KHNYN: variants seen among roughly 807,000 people sequenced by gnomAD.
The protein encoded by KHNYN is KH and NYN domain containing, also known as protein KHNYN.
A neutral mutation model predicts 62.7 loss-of-function variants in KHNYN; 42 were observed. That is an observed-to-expected ratio of 0.67 (90% CI 0.52 to 0.87). The LOEUF is 0.87. KHNYN is among the 40% of genes least tolerant of loss of function. The pLI, the probability that KHNYN is intolerant of heterozygous loss-of-function variation, is 0.00. For synonymous variants in KHNYN, 347 were observed against 345.6 expected, an observed-to-expected ratio of 1.00 and a Z score of -0.04; for missense variants, 829 against 874.1, an observed-to-expected ratio of 0.95 and a Z score of 0.65.
At chr14:24,427,541 T>C (rs960087048), upstream of KHNYN, 4 of 490,536 alleles carry the variant, frequency 8.2e-6, no homozygotes, top group Non-Finnish European at 1.4e-5. The surrounding 1 kb of genome is among the most constrained non-coding windows in gnomAD (Gnocchi z 4.4). Flanking sequence ...ATCCTAGGGC[T>C]GCAGGCAGGA....
upstream of KHNYN, among the ~76,000 whole-genome samples, chr14:24,425,692 C>T (rs748910468): frequency 2.0e-5 from 3 of 152,146 alleles, no homozygotes; most frequent in Non-Finnish European, 2.9e-5. Flanking sequence ...AATCATTTTG[C>T]CTAATTAATA....
chr14:24,428,823 G>T (rs775718996), upstream of KHNYN: 28 of 1,612,556 alleles, frequency 1.7e-5, no homozygotes, highest in Non-Finnish European at 2.4e-5. Flanking sequence ...TGGTGGCTTC[G>T]GACCGCAGCA....
chr14:24,427,638 T>C, upstream of KHNYN: 2 of 758,952 alleles, frequency 2.6e-6, no homozygotes, highest in Non-Finnish European at 4.5e-6. This position sits in a 1 kb window ranked among gnomAD's most constrained non-coding sequence, Gnocchi z 4.4. Context: ...TACTCTTCTC[T>C]TAAACTTGGG....
In KHNYN at chr14:24,432,379, G is replaced by C. The variant is rs199723459; in HGVS notation, c.1118G>C (p.Arg373Pro). Residue 373 changes from arginine (R) to proline (P), a missense_variant, in exon 3 of 8, where the codon CGG becomes CCG. By Grantham distance (103) the Arg-to-Pro change is moderately radical. Around this residue, in one of 2 missense-constraint regions of KHNYN, gnomAD observed 559 missense variants for 527.0 expected, o/e 1.06. Transcript: ENST00000553935. This position sits in a 1 kb window ranked among gnomAD's most constrained non-coding sequence, Gnocchi z 5.6. ...GAACCCCCATGGCACTGTGGAGACC[G>C]GGGTGACTGCGGAGACCGGGGAGAC... ...APEPPWHCGD[R>P]GDCGDRGDVG... The C allele has an allele frequency of 3.9e-5, 63 of 1,613,712 alleles. No individual in the cohort carries two copies. The highest frequency in any genetic ancestry group is 5.0e-5 in the Admixed American group (3 of 59,992).
chr14:24,440,166 C>A lies in KHNYN; in HGVS notation c.*2881C>A. On this transcript the variant is annotated 3_prime_UTR_variant, in exon 8 of 8. Transcript: ENST00000553935. ...GTGGCCAGTGTTCGCTGTGGGATCA[C>A]CTTCTGGCCCTCCAGCAGCATGATG... 6.2e-7 allele frequency: 1 copy of A among 1,613,864 alleles called. No individual in the cohort carries two copies. Among genetic ancestry groups the A allele is most frequent in the Non-Finnish European group, 8.5e-7 (1 of 1,179,798 alleles).
At chr14:24,435,656 T>C (rs1466596043) in intron 5 of KHNYN, 2 of 196,304 alleles carry the variant, frequency 1.0e-5, no homozygotes, top group East Asian at 1.4e-4. Flanking sequence ...TAGATCTTAC[T>C]GTTTACTAAC....
At chr14:24,427,884 G>A, upstream of KHNYN, 1 of 1,614,084 alleles carries the variant, frequency 6.2e-7, no homozygotes, top group Non-Finnish European at 8.5e-7. The surrounding 1 kb of genome is among the most constrained non-coding windows in gnomAD (Gnocchi z 4.4). Flanking sequence ...CGGTCCCCAG[G>A]GTCCAAGGGC....
chr14:24,440,334 C>G lies in KHNYN; in HGVS notation c.*3049C>G. ...GCCACTCCATTCAGGACCCCGTGCA[C>G]GTGGTTTGCTTCAAGGGCATGGGTC... On this transcript the variant is annotated 3_prime_UTR_variant, in exon 8 of 8. Coordinates refer to ENST00000553935, the MANE Select transcript of KHNYN (RefSeq NM_015299.3). The G allele has an allele frequency of 2.5e-6, 4 of 1,614,010 alleles. No individual in the cohort carries two copies. The highest frequency in any genetic ancestry group is 3.4e-6 in the Non-Finnish European group (4 of 1,179,894).
At chr14:24,435,621 G>C (rs2043193172) in intron 5 of KHNYN, 1 of 165,834 alleles carries the variant, frequency 6.0e-6, no homozygotes, top group Non-Finnish European at 1.3e-5. Context: ...GCAAGGGATT[G>C]GTTGGGCAGG....
At chr14:24,428,318 C>T, upstream of KHNYN, 2 of 1,613,950 alleles carry the variant, frequency 1.2e-6, no homozygotes, top group Non-Finnish European at 1.7e-6. Context: ...ACCTTCACCA[C>T]ATGGAACCGG....
At position 24,437,366 on chromosome 14, in the gene KHNYN, G is replaced by A. The variant is rs531827595; in HGVS notation, c.*81G>A. The A allele has an allele frequency of 2.7e-6, 4 of 1,509,338 alleles. No homozygotes were observed. The highest frequency in any genetic ancestry group is 4.5e-5 in the East Asian group (2 of 44,142). 93.5% of individuals were successfully genotyped at this position (1,509,338 alleles called of 1,614,324 possible). A position where few individuals can be genotyped will look rare whatever the true frequency, so the allele number is the denominator to read the frequency against. The stretch of plus-strand genomic sequence containing the variant: ...CCCTTTCTGTGAGAGTCCCTCTGCT[G>A]CTCACTCTGATCCAGAGGCACCCTG... On this transcript the variant is annotated 3_prime_UTR_variant, in exon 8 of 8. Coordinates refer to ENST00000553935, the MANE Select transcript of KHNYN (RefSeq NM_015299.3). The surrounding 1 kb of genome is among the most constrained non-coding windows in gnomAD (Gnocchi z 5.5).
In KHNYN at chr14:24,433,015, C is replaced by A; in HGVS notation, c.1560C>A (p.Ile520=). 3.1e-6 allele frequency: 5 copies of A among 1,614,062 alleles called. No homozygotes were observed. Among genetic ancestry groups the A allele is most frequent in the Non-Finnish European group, 4.2e-6 (5 of 1,179,888 alleles). The change falls in exon 5 of 8, where the codon ATC becomes ATA. Residue 520 remains isoleucine (I), a synonymous_variant. Coordinates refer to ENST00000553935, the MANE Select transcript of KHNYN (RefSeq NM_015299.3). ...TPSRVMDGKR[I]SSYDDRFMVK... is the part of the protein sequence containing the mutation. Reference sequence around the variant, plus strand: ...CACGAGTCATGGATGGCAAGAGGATCTCCTCCTATGATGACAGGTACTTGC... The same window carrying A: ...CACGAGTCATGGATGGCAAGAGGATATCCTCCTATGATGACAGGTACTTGC...
chr14:24,431,439 T>C (rs1372195893), intron 2 of KHNYN, 24 bp from the exon 3 acceptor site: 3 of 1,537,036 alleles, frequency 2.0e-6, no homozygotes, highest in Non-Finnish European at 2.6e-6. Context: ...TTACTTTTCC[T>C]GACCTTCCCT....
In KHNYN at chr14:24,437,058, C is replaced by G. The variant is rs2043217172; in HGVS notation, c.1810C>G (p.Gln604Glu). 1 of 1,614,164 alleles carries G rather than the reference C, an allele frequency of 6.2e-7. No individual in the cohort carries two copies. The highest frequency in any genetic ancestry group is 8.5e-7 in the Non-Finnish European group (1 of 1,180,018). Residue 604 changes from glutamine to glutamate, a missense_variant, in exon 8 of 8, where the codon CAG becomes GAG. By Grantham distance (29) the Gln-to-Glu change is conservative. Transcript: ENST00000553935. The surrounding 1 kb of genome is among the most constrained non-coding windows in gnomAD (Gnocchi z 5.5). ...CAGGACACAGGGGTCTTCTAAGGCT[C>G]AGCATCCTTCCAGGGGCTTTGCAGA... Reference protein sequence around the residue: ...PARTQGSSKAQHPSRGFAEHG... With the variant: ...PARTQGSSKAEHPSRGFAEHG...
At chr14:24,435,889 G>T (rs1228031758) in intron 5 of KHNYN, 183 bp from the exon 6 acceptor site, 13 of 610,156 alleles carry the variant, frequency 2.1e-5, no homozygotes, top group Non-Finnish European at 3.8e-5. Context: ...AGTCCCAAAT[G>T]GTTGCTGTGG....
Position 24,437,509 on chromosome 14 carries a change from C to A in KHNYN, c.*224C>A. On this transcript the variant is annotated 3_prime_UTR_variant, in exon 8 of 8. Coordinates refer to ENST00000553935, the MANE Select transcript of KHNYN (RefSeq NM_015299.3). This position sits in a 1 kb window ranked among gnomAD's most constrained non-coding sequence, Gnocchi z 5.5. Reference sequence around the variant, plus strand: ...GTTCTGCTCAGCCTTAACTTCTCAACTTTGCCTTAGCACAGGGTTTCTGTA... The same window carrying A: ...GTTCTGCTCAGCCTTAACTTCTCAAATTTGCCTTAGCACAGGGTTTCTGTA... The A allele has an allele frequency of 1.9e-6, 1 of 517,924 alleles. No individual in the cohort carries two copies. The highest frequency in any genetic ancestry group is 3.4e-6 in the Non-Finnish European group (1 of 295,020). The allele number at this position is 517,924 out of a possible 1,614,324, so 32.1% of individuals were successfully genotyped here. A position where few individuals can be genotyped will look rare whatever the true frequency, so the allele number is the denominator to read the frequency against.
Position 24,440,422 on chromosome 14 carries a change from G to GCCCCATCGGC in KHNYN, c.*3141_*3142insATCGGCCCCC. ...AGAATTGGTGGCCTGAGCCGATGGG[G>GCCCCATCGGC]CCCCCCAGGCCCAGGCGAAAGGGCA... On this transcript the variant is annotated 3_prime_UTR_variant, in exon 8 of 8. Coordinates refer to ENST00000553935, the MANE Select transcript of KHNYN (RefSeq NM_015299.3). The GCCCCATCGGC allele has an allele frequency of 6.2e-7, 1 of 1,612,958 alleles. No homozygotes were observed.
rs201372060 is a variant in KHNYN at position 24,432,844 on chromosome 14, A to G, written c.1472A>G (p.Lys491Arg). The change falls in exon 4 of 8, where the codon AAA becomes AGA. Residue 491 changes from lysine to arginine, a missense_variant. Lys to Arg is a conservative substitution (Grantham distance 26). Coordinates refer to ENST00000553935, the MANE Select transcript of KHNYN (RefSeq NM_015299.3). This position sits in a 1 kb window ranked among gnomAD's most constrained non-coding sequence, Gnocchi z 5.6. ...VPQWRFSKDA[K>R]VRESHFLQKL... Reference sequence around the variant, plus strand: ...CAGTGGCGCTTCAGTAAGGATGCCAAAGTCAGAGGTGAGTTGGGCCTGGTC... The same window carrying G: ...CAGTGGCGCTTCAGTAAGGATGCCAGAGTCAGAGGTGAGTTGGGCCTGGTC... The G allele has an allele frequency of 4.1e-4, 668 of 1,614,090 alleles. 2 individuals are homozygous for G. The highest frequency in any genetic ancestry group is 9.5e-5 in the Non-Finnish European group (112 of 1,180,040).
In KHNYN at chr14:24,432,318, TCTC is replaced by T; in HGVS notation, c.1062_1064del (p.Pro355del). 1 of 1,613,676 alleles carries T rather than the reference TCTC, an allele frequency of 6.2e-7. No individual in the cohort carries two copies. The highest frequency in any genetic ancestry group is 2.2e-5 in the East Asian group (1 of 44,870). On this transcript the variant is annotated inframe_deletion, in exon 3 of 8. Coordinates refer to ENST00000553935, the MANE Select transcript of KHNYN (RefSeq NM_015299.3). The surrounding 1 kb of genome is among the most constrained non-coding windows in gnomAD (Gnocchi z 5.6). ...CCAGCGGCTCCACAATGGGAATGCCTCTCCTCCGAGGGTGCCCAGCCCTCCACC... is the reference window on the plus strand; with the variant it reads ...CCAGCGGCTCCACAATGGGAATGCCTCTCCGAGGGTGCCCAGCCCTCCACC...
Sources: gnomAD v4.1 joint callset for allele counts (sites outside exome capture counted in the v4.1 genomes callset) on GRCh38, gnomAD v4.1.1 for gene constraint, gnomAD v4.1.1 regional missense constraint, Gnocchi (gnomAD v3.1) non-coding constraint, MANE v1.5 for transcripts, NCBI Gene and HGNC (gene_info 2026-07-23, HGNC 2026-07-21) for gene names.